Variants in PRAM1 observed in about 807,000 individuals in gnomAD.
PRAM1 encodes PML-RARA-regulated adapter molecule 1.
Under a neutral mutation model 55.3 loss-of-function variants are expected in PRAM1, and 41 were observed. That is an observed-to-expected ratio of 0.74 (90% confidence interval 0.58 to 0.96). The LOEUF is 0.96. Among genes scored for constraint, PRAM1 ranks in the 40% least tolerant of loss-of-function variants. The probability of loss-of-function intolerance (pLI) is 0.00; values close to 1 mark genes in which losing one functional copy is unlikely to be tolerated. For synonymous variants in PRAM1, 401 were observed against 387.1 expected (o/e 1.04, Z -0.42); for missense variants, 898 against 892.7 (o/e 1.01, Z -0.08).
rs985873126 is a variant in PRAM1 at position 8,491,425 on chromosome 19, G to A, written c.1577-268C>T. On this transcript the variant is annotated intron_variant, in intron 4 of 9. Transcript: ENST00000423345. ...ATTTTTGTATTTTTAACACAGACAG[G>A]TTTCACCATGTGGGCCAGGCTGGTC... 4 of 543,432 alleles carry A rather than the reference G, an allele frequency of 7.4e-6. No homozygotes were observed. The East Asian group carries it at 9.7e-5, about 13-fold the overall frequency. The allele number at this position is 543,432 out of a possible 1,614,324, so 33.7% of individuals were successfully genotyped here.
In PRAM1 at chr19:8,490,664, G is replaced by T. The variant is rs550925487; in HGVS notation, c.1836C>A (p.Arg612=). 7 of 1,591,992 alleles carry T rather than the reference G, an allele frequency of 4.4e-6. No homozygotes were observed. Among genetic ancestry groups the T allele is most frequent in the Admixed American group, 3.6e-5 (2 of 55,802 alleles). Residue 612 remains arginine (R), a synonymous_variant, in exon 7 of 10, where the codon CGC becomes CGA. Coordinates refer to ENST00000423345, the MANE Select transcript of PRAM1 (RefSeq NM_032152.5). The surrounding 1 kb of genome is among the most constrained non-coding windows in gnomAD (Gnocchi z 7.3). ...RGGGKHLGIR[R]GEILEVIEFT... ...ACTCGATCACCTCCAGGATCTCCCC[G>T]CGCCGGATCCCGAGGTGCTTGCCAC...
At chr19:8,497,984 C>T (rs374227469) in intron 3 of PRAM1, 144 bp from the exon 4 acceptor site, 18 of 733,000 alleles carry the variant, frequency 2.5e-5, no homozygotes, top group Non-Finnish European at 3.5e-5. Flanking sequence ...CGGGTTCAAG[C>T]GATTCTCCTG....
intron 3 of PRAM1, 98 bp downstream of exon 3, chr19:8,498,125 C>A: frequency 7.8e-7 from 1 of 1,289,728 alleles, no homozygotes; most frequent in Non-Finnish European, 1.1e-6. Flanking sequence ...GGAGATCCGC[C>A]CACTTCAGCC....
At chr19:8,500,766 T>G (rs1420483916) in intron 1 of PRAM1, among the ~76,000 whole-genome samples, 1 of 152,130 alleles carries the variant, frequency 6.6e-6, no homozygotes, top group Non-Finnish European at 1.5e-5. Flanking sequence ...CCACCCTATT[T>G]GTTTATTTTT....
At position 8,490,281 on chromosome 19, in the gene PRAM1, GCAGCGCCCCCGGGGAATCGC is replaced by G; in HGVS notation, c.1975+37_1975+56del. The G allele has an allele frequency of 6.2e-7, 1 of 1,613,540 alleles. No individual in the cohort carries two copies. Among genetic ancestry groups the G allele is most frequent in the Non-Finnish European group, 8.5e-7 (1 of 1,179,684 alleles). ...CCTCTCCCCAGAAGCCCAATAGTGA[GCAGCGCCCCCGGGGAATCGC>G]CAGGGTCCCTCCAGCCCTCCCAGAG... On this transcript the variant is annotated intron_variant, in intron 9 of 9. Coordinates refer to ENST00000423345, the MANE Select transcript of PRAM1 (RefSeq NM_032152.5). The surrounding 1 kb of genome is among the most constrained non-coding windows in gnomAD (Gnocchi z 7.3).
At chr19:8,501,402 G>T (rs1250719952) in intron 1 of PRAM1, among the ~76,000 whole-genome samples, 3 of 151,686 alleles carry the variant, frequency 2.0e-5, no homozygotes. Context: ...TATTTTAAAT[G>T]GATCACCCCA....
At position 8,498,928 on chromosome 19, in the gene PRAM1, T is replaced by A; in HGVS notation, c.880A>T (p.Thr294Ser). ...ACTTCGGGCTCTGAGGAGGTCCTGG[T>A]GAGGTCCCCAAGCTCAGGCTGCGGA... ...KPPQPELGDLTRTSSEPEVSV... is the reference protein window; with the variant it reads ...KPPQPELGDLSRTSSEPEVSV... The change falls in exon 2 of 10, where the codon ACC becomes TCC. Residue 294 changes from threonine (T) to serine (S), a missense_variant. Physicochemically the swap from Thr to Ser is moderately conservative, Grantham distance 58 (BLOSUM62 1). Coordinates refer to ENST00000423345, the MANE Select transcript of PRAM1 (RefSeq NM_032152.5). 6.2e-7 allele frequency: 1 copy of A among 1,613,356 alleles called. No homozygotes were observed. The highest frequency in any genetic ancestry group is 8.5e-7 in the Non-Finnish European group (1 of 1,179,650).
chr19:8,491,274 C>G (rs909208761), intron 4 of PRAM1, 117 bp from the exon 5 acceptor site: 6 of 1,133,700 alleles, frequency 5.3e-6, no homozygotes, highest in Non-Finnish European at 7.7e-6. Context: ...TGCTCTGTCA[C>G]CCAGGCTGGA....
Position 8,498,271 on chromosome 19 carries a change from G to C in PRAM1, c.1451C>G (p.Ser484Trp), listed in dbSNP as rs370907749. The C allele has an allele frequency of 1.2e-6, 2 of 1,612,630 alleles. No homozygotes were observed. Among genetic ancestry groups the C allele is most frequent in the South Asian group, 1.1e-5 (1 of 90,840 alleles). Residue 484 changes from serine (S) to tryptophan (W), a missense_variant, in exon 3 of 10, where the codon TCG becomes TGG. Transcript: ENST00000423345. The part of the protein sequence containing the change: ...AASIDLRRTR[S>W]AAGLHFQDRQ... ...GTCCTGGAAGTGGAGCCCAGCGGCC[G>C]AGCGGGTCCTCCGTAGATCTGTGGG...
At chr19:8,491,490 C>T in intron 4 of PRAM1, 1 of 419,714 alleles carries the variant, frequency 2.4e-6, no homozygotes, top group Non-Finnish European at 4.4e-6. Context: ...GCCTCGGCCT[C>T]CTAAAGTGCT....
At position 8,498,204 on chromosome 19, in the gene PRAM1, G is replaced by T. The variant is rs746260852; in HGVS notation, c.1499+19C>A. The T allele has an allele frequency of 3.1e-6, 5 of 1,608,622 alleles. No individual in the cohort carries two copies. The South Asian group carries it at 3.3e-5, about 11-fold the overall frequency. ...AGCCCCACAATCCGCACCCACCTCC[G>T]CTTCCTCCCCACACTCACTGCGGGA... is the stretch of plus-strand genomic sequence containing the variant. On this transcript the variant is annotated intron_variant, in intron 3 of 9. Transcript: ENST00000423345.
At chr19:8,502,311 C>T (rs968049036) in intron 1 of PRAM1, among the ~76,000 whole-genome samples, 1 of 152,126 alleles carries the variant, frequency 6.6e-6, no homozygotes, top group Admixed American at 6.5e-5. Context: ...GAGTTGTCCC[C>T]CCGGGGAGTC....
At position 8,502,575 on chromosome 19, in the gene PRAM1, G is replaced by A. The variant is rs1190751499; in HGVS notation, c.17C>T (p.Pro6Leu). The change falls in exon 1 of 10, where the codon CCT becomes CTT. Residue 6 changes from proline to leucine, a missense_variant. By Grantham distance (98) the Pro-to-Leu change is moderately conservative (BLOSUM62 -3). This residue lies in a region of PRAM1 where 79 missense variants were observed against 93.4 expected (regional missense o/e 0.85). Coordinates refer to ENST00000423345, the MANE Select transcript of PRAM1 (RefSeq NM_032152.5). ...TCTTCCAGCACTCACCATGGCTGCA[G>A]GCAGGTGATGGGCCATGGGATGAGT... MAHHL[P>L]AAMESHQDFR... 6.5e-7 allele frequency: 1 copy of A among 1,549,740 alleles called. No homozygotes were observed. Among genetic ancestry groups the A allele is most frequent in the Non-Finnish European group, 8.7e-7 (1 of 1,147,896 alleles).
chr19:8,496,998 C>A (rs551753633), intron 4 of PRAM1, among the ~76,000 whole-genome samples: 1 of 151,752 alleles, frequency 6.6e-6, no homozygotes, highest in African/African-American at 2.4e-5. Context: ...TGCACTACAG[C>A]CTGGGTGACA....
intron 1 of PRAM1, 57 bp from the exon 2 acceptor site, chr19:8,499,837 G>A: frequency 7.0e-6 from 10 of 1,431,780 alleles, no homozygotes; most frequent in Non-Finnish European, 5.6e-6. Flanking sequence ...GGGCATGGAA[G>A]GATGGGCCTG....
At chr19:8,501,999 G>C (rs1971812836) in intron 1 of PRAM1, among the ~76,000 whole-genome samples, 1 of 152,158 alleles carries the variant, frequency 6.6e-6, no homozygotes, top group Admixed American at 6.5e-5. Context: ...GCAGAAACGT[G>C]TGGCCTTTGC....
At chr19:8,502,640 TG>T (rs1318130754), upstream of PRAM1, 1 of 1,518,800 alleles carries the variant, frequency 6.6e-7, no homozygotes, top group South Asian at 1.2e-5. Flanking sequence ...GAAGTGACTG[TG>T]GCTTCTGCTC....
At chr19:8,501,125 G>C (rs1489372541) in intron 1 of PRAM1, among the ~76,000 whole-genome samples, 4 of 137,548 alleles carry the variant, frequency 2.9e-5, no homozygotes, top group African/African-American at 1.1e-4. Context: ...TTGAGACGGA[G>C]TCTCACTCTG....
rs1971655464 is a variant in PRAM1 at position 8,493,360 on chromosome 19, G to C, written c.1577-2203C>G. Among the ~76,000 whole-genome samples the C allele has an allele frequency of 6.6e-6, 1 of 152,186 alleles. No individual in the cohort carries two copies. The highest frequency in any genetic ancestry group is 1.9e-4 in the East Asian group (1 of 5,200). On this transcript the variant is annotated intron_variant, in intron 4 of 9. Transcript: ENST00000423345. The surrounding 1 kb of genome is among the most constrained non-coding windows in gnomAD (Gnocchi z 4.1). ...GCATGGCCATCCACAGTCTCACCTGGAACACACAGCCCCTCCAGCTGCTCC... is the reference window on the plus strand; with the variant it reads ...GCATGGCCATCCACAGTCTCACCTGCAACACACAGCCCCTCCAGCTGCTCC...
Sources: gnomAD v4.1 joint callset for allele counts (sites outside exome capture counted in the v4.1 genomes callset) on GRCh38, gnomAD v4.1.1 for gene constraint, gnomAD v4.1.1 regional missense constraint, Gnocchi (gnomAD v3.1) non-coding constraint, MANE v1.5 for transcripts, NCBI Gene and HGNC (gene_info 2026-07-23, HGNC 2026-07-21) for gene names.